RNF220: variants seen among roughly 807,000 people sequenced by gnomAD.
The protein encoded by RNF220 is ring finger protein 220.
In RNF220, 7 loss-of-function variants were observed where a neutral mutation model predicts 67.1. The ratio of observed to expected loss-of-function variants is 0.10; its 90% CI spans 0.06 to 0.20. The LOEUF (loss-of-function observed/expected upper bound fraction) is 0.20. RNF220 is among the 10% of genes least tolerant of loss of function. The pLI is 1.00. For synonymous variants in RNF220, 270 were observed against 283.2 expected (o/e 0.95, Z 0.47); for missense variants, 565 against 740.3 (o/e 0.76, Z 2.75).
chr1:44,526,468 C>T (rs1173523424), intron 2 of RNF220, among the ~76,000 whole-genome samples: 3 of 152,194 alleles, frequency 2.0e-5, no homozygotes, highest in Non-Finnish European at 4.4e-5. Context: ...GAATTGTCCC[C>T]TAACTCAGTA....
chr1:44,546,422 C>T (rs577957586), intron 2 of RNF220, among the ~76,000 whole-genome samples: 192 of 152,296 alleles, frequency 1.3e-3, no homozygotes, highest in African/African-American at 4.3e-3. Flanking sequence ...GTCCCTTCCC[C>T]CAGCCCCCTG....
chr1:44,446,112 G>A (rs1249490685), intron 2 of RNF220, among the ~76,000 whole-genome samples: 1 of 152,124 alleles, frequency 6.6e-6, no homozygotes, highest in Non-Finnish European at 1.5e-5. Flanking sequence ...ATTGCTTTAA[G>A]CAGTATTTGG....
intron 2 of RNF220, among the ~76,000 whole-genome samples, chr1:44,436,738 T>C (rs967850396): frequency 1.2e-4 from 18 of 152,162 alleles, no homozygotes; most frequent in African/African-American, 3.4e-4. Flanking sequence ...TTAAATTCTC[T>C]CCTGAGGATT....
chr1:44,642,216 C>G (rs899776919), intron 8 of RNF220, among the ~76,000 whole-genome samples: 3 of 152,170 alleles, frequency 2.0e-5, no homozygotes, highest in South Asian at 4.1e-4. Context: ...GGGTGGACAC[C>G]AGGGAAGGGA....
At chr1:44,582,738 C>T (rs1572948476) in intron 2 of RNF220, among the ~76,000 whole-genome samples, 2 of 129,842 alleles carry the variant, frequency 1.5e-5, no homozygotes, top group East Asian at 4.5e-4. Context: ...GCCTGGCCAA[C>T]ATAGTGAGAC....
intron 2 of RNF220, among the ~76,000 whole-genome samples, chr1:44,472,867 G>A (rs938969352): frequency 6.6e-5 from 10 of 152,186 alleles, no homozygotes; most frequent in Admixed American, 4.6e-4. Context: ...ATGGGTGCGC[G>A]TGCCTGTGGC....
rs552581497 is a variant in RNF220, at chr1:44,650,004, G to A, written c.1629+47G>A. On this transcript the variant is annotated intron_variant, in intron 14 of 14. Transcript: ENST00000361799. This position sits in a 1 kb window ranked among gnomAD's most constrained non-coding sequence, Gnocchi z 4.3. ...GGAATGGGAGGCCGCTCCGGGCACT[G>A]CCCAGATGTCTGTGCTTATGCCTGA... The A allele has an allele frequency of 6.3e-7, 1 of 1,585,556 alleles. No individual in the cohort carries two copies. The highest frequency in any genetic ancestry group is 8.6e-7 in the Non-Finnish European group (1 of 1,160,706).
chr1:44,549,615 C>T (rs1305613909), intron 2 of RNF220, among the ~76,000 whole-genome samples: 1 of 152,218 alleles, frequency 6.6e-6, no homozygotes, highest in East Asian at 1.9e-4. Flanking sequence ...AGTTCTGCTT[C>T]CCCATTCTAG....
At chr1:44,527,798 C>T (rs1426321288) in intron 2 of RNF220, among the ~76,000 whole-genome samples, 1 of 151,474 alleles carries the variant, frequency 6.6e-6, no homozygotes, top group Admixed American at 6.6e-5. Context: ...TGGTGGCAGG[C>T]ACCTGTAGTC....
rs993920385 is a variant in RNF220 at position 44,541,951 on chromosome 1, G to C, written c.626-72214G>C. Among the ~76,000 whole-genome samples, 37 of 152,172 alleles carry C rather than the reference G, an allele frequency of 2.4e-4. 1 individual carries two copies. The highest frequency in any genetic ancestry group is 4.1e-4 in the Non-Finnish European group (28 of 68,018). On this transcript the variant is annotated intron_variant, in intron 2 of 14. Coordinates refer to ENST00000361799, the MANE Select transcript of RNF220 (RefSeq NM_018150.4). ...TTCAGAATGCCCCCGGGTGGAGCAAGACCTTTGCATCTCTCGCTGTGACAA... is the reference window on the plus strand; with the variant it reads ...TTCAGAATGCCCCCGGGTGGAGCAACACCTTTGCATCTCTCGCTGTGACAA...
chr1:44,447,589 G>A (rs1454874222), intron 2 of RNF220, among the ~76,000 whole-genome samples: 1 of 152,192 alleles, frequency 6.6e-6, no homozygotes, highest in East Asian at 1.9e-4. Context: ...CTGGTATGGA[G>A]ATGAATATGT....
rs550900535 is a variant in RNF220 at position 44,465,019 on chromosome 1, CT to C, written c.625+52300del. ...ATGGCAAGAAATGTGTTTTATTTAC[CT>C]TTGAATCTCCAGCACCTTACACAGG... On this transcript the variant is annotated intron_variant, in intron 2 of 14. Transcript: ENST00000361799. 5.4e-4 allele frequency among the ~76,000 whole-genome samples: 82 copies of C among 152,216 alleles called. 2 individuals carry two copies. The East Asian group carries it at 0.013, about 25-fold the overall frequency.
At position 44,412,639 on chromosome 1, in the gene RNF220, A is replaced by T; in HGVS notation, c.542A>T (p.Asp181Val). 6.2e-7 allele frequency: 1 copy of T among 1,614,184 alleles called. No individual in the cohort carries two copies. The highest frequency in any genetic ancestry group is 8.5e-7 in the Non-Finnish European group (1 of 1,180,036). ...SSSPGSLKVD[D>V]TGKKIFAVSG... ...TCCCCCGGTTCACTAAAGGTTGATG[A>T]CACTGGGAAGAAGATTTTTGCTGTC... The change falls in exon 2 of 15, where the codon GAC becomes GTC. Residue 181 changes from aspartate (D) to valine (V), a missense_variant. Asp to Val is a radical substitution (Grantham distance 152). Transcript: ENST00000361799. The surrounding 1 kb of genome is among the most constrained non-coding windows in gnomAD (Gnocchi z 5.3).
intron 8 of RNF220, among the ~76,000 whole-genome samples, chr1:44,640,251 A>G (rs768760176): frequency 5.3e-5 from 8 of 152,260 alleles, no homozygotes; most frequent in Non-Finnish European, 7.3e-5. Context: ...AGGGAGCCCC[A>G]GGTGCTAAAA....
rs548713966 is a variant in RNF220, at chr1:44,470,239, G to A, written c.625+57517G>A. Among the ~76,000 whole-genome samples the A allele has an allele frequency of 2.6e-5, 4 of 152,308 alleles. No individual in the cohort carries two copies. The East Asian group carries it at 7.7e-4, about 29-fold the overall frequency. On this transcript the variant is annotated intron_variant, in intron 2 of 14. Coordinates refer to ENST00000361799, the MANE Select transcript of RNF220 (RefSeq NM_018150.4). Reference sequence around the variant, plus strand: ...CATCTCAAGAGTGACAAAGAGGAAGGAAATATGTCAATAATGCTTCCTAAG... The same window carrying A: ...CATCTCAAGAGTGACAAAGAGGAAGAAAATATGTCAATAATGCTTCCTAAG...
chr1:44,503,333 CAA>C (rs34103792), intron 2 of RNF220, among the ~76,000 whole-genome samples: 163 of 84,494 alleles, frequency 1.9e-3, no homozygotes, highest in Middle Eastern at 0.013. Context: ...GATGCTGTCT[CAA>C]AAAAAAAAAA....
chr1:44,617,536 G>C (rs1045264623), intron 3 of RNF220, among the ~76,000 whole-genome samples: 1 of 152,246 alleles, frequency 6.6e-6, no homozygotes, highest in African/African-American at 2.4e-5. Context: ...AGCTCCCTCC[G>C]GGCTGACGGC....
chr1:44,490,005 CTAAT>C (rs1303693603), intron 2 of RNF220, among the ~76,000 whole-genome samples: 3 of 152,094 alleles, frequency 2.0e-5, no homozygotes, highest in South Asian at 4.1e-4. Context: ...TTTGTTAGAA[CTAAT>C]TACTTTTTTT....
intron 5 of RNF220, chr1:44,631,942 G>C (rs1644142460): frequency 1.0e-6 from 1 of 989,428 alleles, no homozygotes; most frequent in South Asian, 4.7e-5. Context: ...CACCCCCAGC[G>C]CGCGACGGCG....
Sources: allele counts gnomAD v4.1 joint callset (sites outside exome capture counted in the v4.1 genomes callset), GRCh38; gene constraint gnomAD v4.1.1; non-coding constraint Gnocchi (gnomAD v3.1); transcripts MANE v1.5; gene names NCBI Gene and HGNC (gene_info 2026-07-23, HGNC 2026-07-21).